Variants in SHCBP1L observed in about 807,000 individuals in gnomAD.
SHCBP1L encodes the protein testicular spindle-associated protein SHCBP1L.
Under a neutral mutation model 62.5 loss-of-function variants are expected in SHCBP1L, and 67 were observed. That is an observed-to-expected ratio of 1.07 (90% confidence interval 0.88 to 1.31). SHCBP1L has a LOEUF of 1.31. Among genes scored for constraint, SHCBP1L ranks in the 40% most tolerant of loss-of-function variants. The pLI is 0.00. For missense variants in SHCBP1L, 823 were observed against 809.8 expected (o/e 1.02, Z -0.20); for synonymous variants, 284 against 289.4 (o/e 0.98, Z 0.19).
intron 6 of SHCBP1L, among the ~76,000 whole-genome samples, chr1:182,928,773 A>G (rs116509670): frequency 0.01 from 1,524 of 152,318 alleles, 23 homozygotes; most frequent in African/African-American, 0.032. Context: ...CAGACAATTA[A>G]TTGATGTACT....
At chr1:182,929,779 T>C in intron 5 of SHCBP1L, 27 bp from the exon 6 acceptor site, 1 of 1,442,182 alleles carries the variant, frequency 6.9e-7, no homozygotes, top group Non-Finnish European at 9.5e-7. Context: ...TTAGTTATAA[T>C]TAAATTAACA....
chr1:182,944,722 G>T, intron 2 of SHCBP1L, among the ~76,000 whole-genome samples: 2 of 151,982 alleles, frequency 1.3e-5, no homozygotes, highest in Middle Eastern at 6.8e-3. Flanking sequence ...TAAGAATTTA[G>T]TTATCTCTTT....
At chr1:182,923,196 A>G (rs565785711) in intron 6 of SHCBP1L, among the ~76,000 whole-genome samples, 2 of 152,312 alleles carry the variant, frequency 1.3e-5, no homozygotes, top group African/African-American at 4.8e-5. Context: ...AACTGAAACC[A>G]TAAACAGACT....
chr1:182,938,714 T>C (rs1248587653), intron 5 of SHCBP1L, among the ~76,000 whole-genome samples: 1 of 152,214 alleles, frequency 6.6e-6, no homozygotes, highest in East Asian at 1.9e-4. Flanking sequence ...CCTCAAGTGA[T>C]CCTCCTACCT....
chr1:182,927,756 C>T (rs1447106184), intron 6 of SHCBP1L, among the ~76,000 whole-genome samples: 1 of 151,070 alleles, frequency 6.6e-6, no homozygotes, highest in Non-Finnish European at 1.5e-5. Context: ...AATCTAAAAT[C>T]CAAGGTCTAA....
At chr1:182,910,126 T>C (rs1321225913) in intron 6 of SHCBP1L, among the ~76,000 whole-genome samples, 2 of 152,028 alleles carry the variant, frequency 1.3e-5, no homozygotes, top group Admixed American at 6.6e-5. Context: ...AGCACAGAAA[T>C]GGTGAAGTAA....
chr1:182,906,507 C>T lies in SHCBP1L; in HGVS notation c.1183-858G>A, dbSNP rs184228888. On this transcript the variant is annotated intron_variant, in intron 6 of 9. Transcript: ENST00000367547. ...TGTGCAATGGCACGATCTCAGCTCA[C>T]TGCAACCTCTGCCTCCCAGGTTCAA... Among the ~76,000 whole-genome samples the T allele has an allele frequency of 3.0e-3, 462 of 151,866 alleles. 1 individual carries two copies. Among genetic ancestry groups the T allele is most frequent in the Non-Finnish European group, 4.9e-3 (330 of 67,976 alleles).
intron 9 of SHCBP1L, among the ~76,000 whole-genome samples, chr1:182,902,209 T>C (rs1649867487): frequency 1.3e-5 from 2 of 151,784 alleles, no homozygotes; most frequent in African/African-American, 4.8e-5. Context: ...GCCACCACGG[T>C]TGGCTAATTT....
chr1:182,903,384 A>G (rs1200487740), intron 8 of SHCBP1L, among the ~76,000 whole-genome samples: 4 of 152,222 alleles, frequency 2.6e-5, no homozygotes, highest in Admixed American at 2.6e-4. Flanking sequence ...GGTTGAGGTC[A>G]TATAATCCAT....
intron 7 of SHCBP1L, 107 bp downstream of exon 7, chr1:182,905,389 C>A: frequency 8.5e-7 from 1 of 1,174,002 alleles, no homozygotes; most frequent in South Asian, 1.6e-5. Flanking sequence ...TTTTGTAAAA[C>A]ATAAATTCTA....
At chr1:182,932,690 T>C (rs1008204289) in intron 5 of SHCBP1L, among the ~76,000 whole-genome samples, 1 of 152,128 alleles carries the variant, frequency 6.6e-6, no homozygotes, top group Admixed American at 6.5e-5. Context: ...AGATGGGGTT[T>C]TGCCATACTG....
chr1:182,908,531 C>T (rs1288290027), intron 6 of SHCBP1L, among the ~76,000 whole-genome samples: 2 of 152,164 alleles, frequency 1.3e-5, no homozygotes, highest in African/African-American at 2.4e-5. Context: ...ATGGGCACCT[C>T]GGTTGATTCC....
At chr1:182,900,385 T>C (rs1278651444) in intron 9 of SHCBP1L, 151 bp from the exon 10 acceptor site, 22 of 589,940 alleles carry the variant, frequency 3.7e-5, no homozygotes, top group Non-Finnish European at 5.7e-5. Flanking sequence ...TGTTAAGTAC[T>C]GTTTTCATGA....
intron 3 of SHCBP1L, 39 bp downstream of exon 3, chr1:182,940,290 T>A (rs1383311012): frequency 6.5e-7 from 1 of 1,532,216 alleles, no homozygotes; most frequent in Non-Finnish European, 8.9e-7. Flanking sequence ...AACTTTTGGA[T>A]ATAATAAATT....
chr1:182,940,462 C>T lies in SHCBP1L; in HGVS notation c.637G>A (p.Ala213Thr), dbSNP rs766365262. 6.2e-7 allele frequency: 1 copy of T among 1,613,776 alleles called. No individual in the cohort carries two copies. The highest frequency in any genetic ancestry group is 2.2e-5 in the East Asian group (1 of 44,834). Residue 213 changes from alanine (A) to threonine (T), a missense_variant, in exon 3 of 10, where the codon GCA becomes ACA. Physicochemically the swap from Ala to Thr is moderately conservative, Grantham distance 58 (BLOSUM62 0). Transcript: ENST00000367547. ...SVAEPFSSNI[A>T]NIPRDLVDEI... The stretch of plus-strand genomic sequence containing the variant: ...TCAACCAAATCTCTTGGAATATTTG[C>T]AATGTTGGAAGAAAAGGGCTCAGCA...
chr1:182,901,993 T>C (rs891452521), intron 9 of SHCBP1L, among the ~76,000 whole-genome samples: 3 of 151,986 alleles, frequency 2.0e-5, no homozygotes, highest in African/African-American at 7.2e-5. Context: ...TGTTTAAAGA[T>C]AAATCAAAGA....
At chr1:182,944,189 T>C (rs568825031) in intron 2 of SHCBP1L, among the ~76,000 whole-genome samples, 2 of 150,218 alleles carry the variant, frequency 1.3e-5, no homozygotes, top group East Asian at 4.0e-4. Flanking sequence ...GCAGATCACC[T>C]GAGGTCAGGA....
chr1:182,949,592 G>T (rs1651680519), intron 2 of SHCBP1L, among the ~76,000 whole-genome samples: 1 of 151,886 alleles, frequency 6.6e-6, no homozygotes, highest in Admixed American at 6.6e-5. Context: ...AGCTACTCAG[G>T]AGGCTGAGGT....
rs1357433336 is a variant in SHCBP1L at position 182,936,981 on chromosome 1, G to T, written c.1076+2195C>A. Among the ~76,000 whole-genome samples the T allele has an allele frequency of 3.9e-5, 6 of 152,024 alleles. 1 individual carries two copies. The highest frequency in any genetic ancestry group is 3.9e-4 in the Admixed American group (6 of 15,266). ...AAGTGAGAGGATCACTTGAGCCTGG[G>T]AAGTCGAGGCTGCAGTGAGCCATGA... is the stretch of plus-strand genomic sequence containing the variant. On this transcript the variant is annotated intron_variant, in intron 5 of 9. Coordinates refer to ENST00000367547, the MANE Select transcript of SHCBP1L (RefSeq NM_030933.4).
Sources: gnomAD v4.1 joint callset for allele counts (sites outside exome capture counted in the v4.1 genomes callset) on GRCh38, gnomAD v4.1.1 for gene constraint, MANE v1.5 for transcripts, NCBI Gene and HGNC (gene_info 2026-07-23, HGNC 2026-07-21) for gene names.